The following SNX18 variants were observed in gnomAD, a reference collection of about 807,000 sequenced individuals.
The protein encoded by SNX18 is sorting nexin 18.
SNX18 carries 35 observed loss-of-function variants against 48.7 expected under a neutral mutation model. The ratio of observed to expected loss-of-function variants is 0.72; its 90% CI spans 0.55 to 0.95. The LOEUF (loss-of-function observed/expected upper bound fraction) is 0.95. SNX18 is among the 40% of genes least tolerant of loss of function. The probability of loss-of-function intolerance (pLI) is 0.00; values close to 1 mark genes in which losing one functional copy is unlikely to be tolerated. For missense variants in SNX18, 824 were observed against 871.0 expected (o/e 0.95, Z 0.68); for synonymous variants, 492 against 384.7 (o/e 1.28, Z -3.26).
chr5:54,574,528 G>C, the SNX18 span, among the ~76,000 whole-genome samples: 1 of 152,184 alleles, frequency 6.6e-6, no homozygotes, highest in African/African-American at 2.4e-5. Flanking sequence ...TCTGGAGGGG[G>C]ATTCTATGCC....
the SNX18 span, among the ~76,000 whole-genome samples, chr5:54,576,848 C>T: frequency 3.3e-5 from 5 of 152,202 alleles, no homozygotes; most frequent in Non-Finnish European, 7.3e-5. Context: ...GTCGCCCAGC[C>T]TGGAGTGCAG....
chr5:54,533,622 A>C (rs570828908), intron 1 of SNX18, among the ~76,000 whole-genome samples: 50 of 152,182 alleles, frequency 3.3e-4, no homozygotes, highest in Non-Finnish European at 4.7e-4. Flanking sequence ...AGTTTCTCTG[A>C]GTTTCACTTT....
At chr5:54,559,118 G>A in the SNX18 span, among the ~76,000 whole-genome samples, 1 of 152,122 alleles carries the variant, frequency 6.6e-6, no homozygotes, top group Non-Finnish European at 1.5e-5. Context: ...TGGATAGGAG[G>A]AATCAACATC....
chr5:54,552,776 G>A, the SNX18 span, among the ~76,000 whole-genome samples: 5 of 152,246 alleles, frequency 3.3e-5, no homozygotes, highest in East Asian at 7.7e-4. Context: ...GCTAGTAGGT[G>A]AGGCAATAAT....
At chr5:54,625,694 G>A in the SNX18 span, among the ~76,000 whole-genome samples, 4 of 152,134 alleles carry the variant, frequency 2.6e-5, no homozygotes, top group Non-Finnish European at 4.4e-5. Context: ...TAGGAGACAG[G>A]AACCAACGGA....
chr5:54,624,692 A>G, the SNX18 span, among the ~76,000 whole-genome samples: 1 of 152,196 alleles, frequency 6.6e-6, no homozygotes, highest in Non-Finnish European at 1.5e-5. Flanking sequence ...AGGTTGTTCA[A>G]TTTCCTGTTC....
chr5:54,604,519 G>A, the SNX18 span, among the ~76,000 whole-genome samples: 1 of 152,154 alleles, frequency 6.6e-6, no homozygotes, highest in Admixed American at 6.5e-5. Context: ...GAAACAAAAG[G>A]ACAGATATTG....
At chr5:54,536,279 G>T (rs578164436) in intron 1 of SNX18, among the ~76,000 whole-genome samples, 1 of 151,836 alleles carries the variant, frequency 6.6e-6, no homozygotes, top group African/African-American at 2.4e-5. Flanking sequence ...TGTGCACAGC[G>T]TGCAGGTTTG....
chr5:54,588,138 T>C, the SNX18 span, among the ~76,000 whole-genome samples: 2 of 152,024 alleles, frequency 1.3e-5, no homozygotes, highest in East Asian at 3.9e-4. Flanking sequence ...TTTCATAGTA[T>C]AGTGTCGCCA....
chr5:54,538,519 G>A (rs559959774), intron 1 of SNX18, among the ~76,000 whole-genome samples: 1 of 152,268 alleles, frequency 6.6e-6, no homozygotes, highest in East Asian at 1.9e-4. Context: ...AGGGAGGAAA[G>A]CACTGATACC....
intron 1 of SNX18, among the ~76,000 whole-genome samples, chr5:54,529,112 G>A (rs1387544814): frequency 6.6e-6 from 1 of 152,204 alleles, no homozygotes; most frequent in African/African-American, 2.4e-5. Context: ...GTAGAACGTG[G>A]TTGGGGGTTA....
chr5:54,518,822 G>C lies in SNX18; in HGVS notation c.870G>C (p.Lys290Asn). ...IDDPTKQTKF[K>N]GMKSYISYKL... ...ACCCCACCAAGCAGACCAAGTTCAAGGGCATGAAGAGCTACATCTCCTACA... is the reference window on the plus strand; with the variant it reads ...ACCCCACCAAGCAGACCAAGTTCAACGGCATGAAGAGCTACATCTCCTACA... Residue 290 changes from lysine to asparagine, a missense_variant, in exon 1 of 2, where the codon AAG becomes AAC. By Grantham distance (94) the Lys-to-Asn change is moderately conservative. Coordinates refer to ENST00000381410, the MANE Select transcript of SNX18 (RefSeq NM_001102575.2). The C allele has an allele frequency of 6.2e-7, 1 of 1,607,408 alleles. No individual in the cohort carries two copies. The highest frequency in any genetic ancestry group is 8.5e-7 in the Non-Finnish European group (1 of 1,176,064).
chr5:54,643,153 G>A, the SNX18 span, among the ~76,000 whole-genome samples: 72 of 152,222 alleles, frequency 4.7e-4, no homozygotes, highest in Non-Finnish European at 6.8e-4. Flanking sequence ...CAAGCAGTGG[G>A]CAGCTGAATA....
chr5:54,591,788 C>T, the SNX18 span, among the ~76,000 whole-genome samples: 2 of 152,202 alleles, frequency 1.3e-5, no homozygotes, highest in Admixed American at 1.3e-4. Context: ...TGTTTTTAGA[C>T]AGAGGTGCCA....
At chr5:54,559,442 G>T in the SNX18 span, among the ~76,000 whole-genome samples, 2 of 152,216 alleles carry the variant, frequency 1.3e-5, no homozygotes, top group East Asian at 3.9e-4. Context: ...CATCTGATTA[G>T]CAACAAAGCT....
chr5:54,609,289 T>C, the SNX18 span, among the ~76,000 whole-genome samples: 2 of 152,148 alleles, frequency 1.3e-5, no homozygotes, highest in East Asian at 3.9e-4. Flanking sequence ...ATATTAACTA[T>C]TGAGGTGGGC....
In SNX18 at chr5:54,517,957, C is replaced by A; in HGVS notation, c.5C>A (p.Ala2Glu). Reference protein sequence around the residue: MALRARALYDFR... With the variant: MELRARALYDFR... ...GCCAGTCGGGGCGCCGGGACCATGG[C>A]GCTGCGCGCCCGGGCGCTGTACGAC... Residue 2 changes from alanine (A) to glutamate (E), a missense_variant, in exon 1 of 2, where the codon GCG becomes GAG. Ala to Glu is a moderately radical substitution (Grantham distance 107). Around this residue, in one of 3 missense-constraint regions of SNX18, gnomAD observed 377 missense variants for 350.6 expected, o/e 1.08. Transcript: ENST00000381410. 1 of 1,512,738 alleles carries A rather than the reference C, an allele frequency of 6.6e-7. No homozygotes were observed. 93.7% of individuals were successfully genotyped at this position (1,512,738 alleles called of 1,614,324 possible). A position where few individuals can be genotyped will look rare whatever the true frequency, so the allele number is the denominator to read the frequency against.
At chr5:54,525,377 TAA>T (rs113164405) in intron 1 of SNX18, among the ~76,000 whole-genome samples, 34 of 144,022 alleles carry the variant, frequency 2.4e-4, no homozygotes, top group Admixed American at 4.8e-4. Context: ...CTTGTCTCTT[TAA>T]AAAAAAAAAA....
Position 54,543,496 on chromosome 5 carries a change from TG to T in SNX18, c.*65del, listed in dbSNP as rs1032013697. ...ATAATTTCTACAGCAGAATAAAAACTGCTGTCAAAGAGCTATTGCCAGCTAT... is the reference window on the plus strand; with the variant it reads ...ATAATTTCTACAGCAGAATAAAAACTCTGTCAAAGAGCTATTGCCAGCTAT... On this transcript the variant is annotated 3_prime_UTR_variant, in exon 2 of 2. Transcript: ENST00000381410. The T allele has an allele frequency of 2.6e-6, 4 of 1,566,838 alleles. No individual in the cohort carries two copies. Among genetic ancestry groups the T allele is most frequent in the Non-Finnish European group, 3.5e-6 (4 of 1,155,264 alleles).
Sources: gnomAD v4.1 joint callset for allele counts (sites outside exome capture counted in the v4.1 genomes callset) on GRCh38, gnomAD v4.1.1 for gene constraint, gnomAD v4.1.1 regional missense constraint, MANE v1.5 for transcripts, NCBI Gene and HGNC (gene_info 2026-07-23, HGNC 2026-07-21) for gene names.